Variants in CDH10 observed in about 807,000 individuals in gnomAD.
The protein encoded by CDH10 is cadherin 10.
A neutral mutation model predicts 73.1 loss-of-function variants in CDH10; 30 were observed. That is an observed-to-expected ratio of 0.41 (90% CI 0.31 to 0.56). CDH10 has a LOEUF of 0.56. CDH10 is among the 20% of genes least tolerant of loss of function. The probability of loss-of-function intolerance (pLI) is 0.27; values close to 1 mark genes in which losing one functional copy is unlikely to be tolerated. For missense variants in CDH10, 815 were observed against 973.7 expected (o/e 0.84, Z 2.17); for synonymous variants, 345 against 348.2 (o/e 0.99, Z 0.10).
intron 11 of CDH10, 150 bp downstream of exon 11, chr5:24,491,426 A>G: frequency 4.8e-6 from 3 of 621,736 alleles, no homozygotes; most frequent in Non-Finnish European, 8.3e-6. Flanking sequence ...GATCAAATAA[A>G]GTATTTTAAT....
chr5:24,502,107 A>G (rs1190734556), intron 8 of CDH10, among the ~76,000 whole-genome samples: 2 of 151,902 alleles, frequency 1.3e-5, no homozygotes, highest in Non-Finnish European at 2.9e-5. Context: ...TTTTTTTAGT[A>G]GAGAAGGGGT....
At chr5:24,528,423 G>T (rs746899372) in intron 5 of CDH10, among the ~76,000 whole-genome samples, 3 of 151,870 alleles carry the variant, frequency 2.0e-5, no homozygotes, top group Admixed American at 6.6e-5. Flanking sequence ...TATTTACAAA[G>T]TGAAAATCAG....
At chr5:24,548,217 T>C (rs962932324) in intron 2 of CDH10, among the ~76,000 whole-genome samples, 1 of 151,936 alleles carries the variant, frequency 6.6e-6, no homozygotes, top group African/African-American at 2.4e-5. Flanking sequence ...AACCTCCACC[T>C]CCCAGCTTCA....
intron 5 of CDH10, among the ~76,000 whole-genome samples, chr5:24,519,208 T>G (rs1743221922): frequency 6.6e-6 from 1 of 152,004 alleles, no homozygotes; most frequent in African/African-American, 2.4e-5. Context: ...AAAATTTGAG[T>G]TAAAAATTCT....
At chr5:24,621,873 A>T (rs1270901248) in intron 1 of CDH10, among the ~76,000 whole-genome samples, 1 of 152,232 alleles carries the variant, frequency 6.6e-6, no homozygotes, top group Non-Finnish European at 1.5e-5. Context: ...AAGGGACAGC[A>T]ACAAATAAAG....
intron 2 of CDH10, among the ~76,000 whole-genome samples, chr5:24,548,396 C>A (rs1744418152): frequency 6.6e-6 from 1 of 151,284 alleles, no homozygotes; most frequent in South Asian, 2.1e-4. Context: ...GCTGGGATTA[C>A]AGGCTTGAGC....
chr5:24,523,024 C>T lies in CDH10; in HGVS notation c.815-11510G>A, dbSNP rs17518207. On this transcript the variant is annotated intron_variant, in intron 5 of 11. Coordinates refer to ENST00000264463, the MANE Select transcript of CDH10 (RefSeq NM_006727.5). Reference sequence around the variant, plus strand: ...AATATTAAAACAAAATAAAGGCACACGCAAAGGAAACCTTTCATAGCATGG... The same window carrying T: ...AATATTAAAACAAAATAAAGGCACATGCAAAGGAAACCTTTCATAGCATGG... Among the ~76,000 whole-genome samples the T allele has an allele frequency of 5.7e-3, 858 of 151,808 alleles. 5 individuals carry two copies. The highest frequency in any genetic ancestry group is 7.2e-3 in the Non-Finnish European group (487 of 67,976).
At chr5:24,577,232 T>C (rs1037221634) in intron 2 of CDH10, among the ~76,000 whole-genome samples, 1 of 152,120 alleles carries the variant, frequency 6.6e-6, no homozygotes, top group African/African-American at 2.4e-5. Context: ...ACAGAATTTA[T>C]TTAATAACAA....
intron 11 of CDH10, 83 bp downstream of exon 11, chr5:24,491,493 G>T: frequency 8.1e-7 from 1 of 1,241,646 alleles, no homozygotes; most frequent in Non-Finnish European, 1.1e-6. Context: ...GTGGTTTTGG[G>T]GGAGGGATTT....
intron 1 of CDH10, among the ~76,000 whole-genome samples, chr5:24,627,221 T>A (rs1241175409): frequency 6.6e-6 from 1 of 152,070 alleles, no homozygotes; most frequent in Admixed American, 6.6e-5. Context: ...TTTAGTGACA[T>A]TTTCTTACAC....
chr5:24,551,801 T>C (rs968416850), intron 2 of CDH10, among the ~76,000 whole-genome samples: 5 of 152,310 alleles, frequency 3.3e-5, no homozygotes, highest in East Asian at 1.9e-4. Flanking sequence ...CATTTATCTA[T>C]TGGCACCAGT....
At position 24,492,991 on chromosome 5, in the gene CDH10, G is replaced by C. The variant is rs962022557; in HGVS notation, c.1516-66C>G. 250 of 700,220 alleles carry C rather than the reference G, an allele frequency of 3.6e-4. 1 individual carries two copies. Among genetic ancestry groups the C allele is most frequent in the Non-Finnish European group, 6.0e-4 (230 of 385,606 alleles). 43.4% of individuals were successfully genotyped at this position (700,220 alleles called of 1,614,324 possible). A position where few individuals can be genotyped will look rare whatever the true frequency, so the allele number is the denominator to read the frequency against. ...ATCCATGGGTATAATCTGCACTTAA[G>C]ATCTTCATTTTGTCTGAAGTTGTTC... On this transcript the variant is annotated intron_variant, in intron 9 of 11. Coordinates refer to ENST00000264463, the MANE Select transcript of CDH10 (RefSeq NM_006727.5).
Position 24,519,878 on chromosome 5 carries a change from T to C in CDH10, c.815-8364A>G, listed in dbSNP as rs1482803285. On this transcript the variant is annotated intron_variant, in intron 5 of 11. Transcript: ENST00000264463. The stretch of plus-strand genomic sequence containing the variant: ...AAAGTTCTGGAGGATACAAGTCTGA[T>C]GAGGACATACTCAGAGAATCTTCCC... Among the ~76,000 whole-genome samples, 5 of 152,194 alleles carry C rather than the reference T, an allele frequency of 3.3e-5. No homozygotes were observed. The East Asian group carries it at 9.6e-4, about 29-fold the overall frequency.
intron 5 of CDH10, among the ~76,000 whole-genome samples, chr5:24,517,995 T>G (rs1743173992): frequency 6.6e-6 from 1 of 152,162 alleles, no homozygotes; most frequent in South Asian, 2.1e-4. Flanking sequence ...CCTGGTAATA[T>G]CTATTTTTAC....
rs530331572 is a variant in CDH10, at chr5:24,605,705, T to C, written c.-123-12092A>G. ...TACTAATCATTTGATACAATATTCCTACCCTAGGTACTTGTTGAGGAAAAA... is the reference window on the plus strand; with the variant it reads ...TACTAATCATTTGATACAATATTCCCACCCTAGGTACTTGTTGAGGAAAAA... On this transcript the variant is annotated intron_variant, in intron 1 of 11. Transcript: ENST00000264463. Among the ~76,000 whole-genome samples the C allele has an allele frequency of 5.3e-5, 8 of 152,366 alleles. No homozygotes were observed. In the East Asian group the frequency reaches 1.5e-3, roughly 29 times the overall value.
chr5:24,493,399 G>A (rs922956735), intron 9 of CDH10, among the ~76,000 whole-genome samples: 1 of 151,754 alleles, frequency 6.6e-6, no homozygotes, highest in Non-Finnish European at 1.5e-5. Flanking sequence ...GAAACCTTGA[G>A]AGTAAAAGTT....
At chr5:24,597,640 A>G (rs1289632130) in intron 1 of CDH10, among the ~76,000 whole-genome samples, 3 of 151,994 alleles carry the variant, frequency 2.0e-5, no homozygotes, top group Non-Finnish European at 4.4e-5. Flanking sequence ...ATTTTAAAGC[A>G]TTTGTCTCAC....
chr5:24,544,512 G>A, intron 2 of CDH10, among the ~76,000 whole-genome samples: 1 of 152,314 alleles, frequency 6.6e-6, no homozygotes, highest in Non-Finnish European at 1.5e-5. Context: ...AAGTTAAGTG[G>A]TTCATTCTTC....
At chr5:24,497,740 C>A (rs562105750) in intron 9 of CDH10, among the ~76,000 whole-genome samples, 1 of 152,094 alleles carries the variant, frequency 6.6e-6, no homozygotes, top group South Asian at 2.1e-4. Flanking sequence ...AGCACTCAAA[C>A]CAATTAAGAG....
Sources: gnomAD v4.1 joint callset for allele counts (sites outside exome capture counted in the v4.1 genomes callset) on GRCh38, gnomAD v4.1.1 for gene constraint, MANE v1.5 for transcripts, NCBI Gene and HGNC (gene_info 2026-07-23, HGNC 2026-07-21) for gene names.